Variants in CHSY3 observed in about 807,000 individuals in gnomAD.
CHSY3 encodes chondroitin sulfate synthase 3, also known as N-acetylgalactosaminyl-proteoglycan 3-beta-glucuronosyltransferase 3.
CHSY3 carries 35 observed loss-of-function variants against 67.2 expected under a neutral mutation model. The observed-to-expected ratio is 0.52, with a 90% CI of 0.40 to 0.69. The LOEUF (loss-of-function observed/expected upper bound fraction) is 0.69. Among genes scored for constraint, CHSY3 ranks in the 30% least tolerant of loss-of-function variants. CHSY3 has a pLI of 0.00. For synonymous variants in CHSY3, 474 were observed against 434.7 expected, an observed-to-expected ratio of 1.09 and a Z score of -1.12; for missense variants, 1,069 against 1,138.5, an observed-to-expected ratio of 0.94 and a Z score of 0.88.
intron 2 of CHSY3, among the ~76,000 whole-genome samples, chr5:129,934,622 TTGTC>T (rs1423441929): frequency 1.3e-5 from 2 of 152,172 alleles, no homozygotes; most frequent in East Asian, 1.9e-4. Flanking sequence ...AAGCTTTTGT[TTGTC>T]TGTCAGGATA....
At chr5:129,987,400 T>A (rs1017498970) in intron 2 of CHSY3, among the ~76,000 whole-genome samples, 1 of 152,210 alleles carries the variant, frequency 6.6e-6, no homozygotes, top group Admixed American at 6.5e-5. Context: ...AAAATGTTTA[T>A]TATGACAGAT....
At chr5:129,956,173 T>G (rs1160372184) in intron 2 of CHSY3, among the ~76,000 whole-genome samples, 3 of 152,092 alleles carry the variant, frequency 2.0e-5, no homozygotes, top group African/African-American at 7.2e-5. Flanking sequence ...GTATAAGCAT[T>G]TTTTTTCTCC....
intron 2 of CHSY3, among the ~76,000 whole-genome samples, chr5:130,138,255 G>A (rs1048354922): frequency 1.3e-5 from 2 of 152,172 alleles, no homozygotes; most frequent in African/African-American, 4.8e-5. Context: ...CCAGCACCAG[G>A]AGCCAGGACA....
At chr5:130,145,953 G>A (rs1242921552) in intron 2 of CHSY3, among the ~76,000 whole-genome samples, 1 of 151,968 alleles carries the variant, frequency 6.6e-6, no homozygotes, top group African/African-American at 2.4e-5. Flanking sequence ...CAAAAGAAAA[G>A]TGTTGGCAAA....
intron 2 of CHSY3, among the ~76,000 whole-genome samples, chr5:130,132,871 T>TA: frequency 6.6e-6 from 1 of 152,234 alleles, no homozygotes; most frequent in East Asian, 1.9e-4. Context: ...CAAACATCAA[T>TA]AGTACCAATG....
At chr5:130,143,730 G>GTATATATATATATATATATATATATA (rs1285066017) in intron 2 of CHSY3, among the ~76,000 whole-genome samples, 1 of 104,546 alleles carries the variant, frequency 9.6e-6, no homozygotes, top group African/African-American at 4.1e-5. Flanking sequence ...ATGTGTGTGT[G>GTATATATATATATATATATATATATA]TGTGTATATA....
chr5:130,125,924 A>G (rs990346129), intron 2 of CHSY3, among the ~76,000 whole-genome samples: 1 of 152,214 alleles, frequency 6.6e-6, no homozygotes, highest in African/African-American at 2.4e-5. Context: ...GTCACAGTTC[A>G]TTAGACCTTT....
Position 130,185,823 on chromosome 5 carries a change from G to C in CHSY3, c.*32G>C. 7.0e-7 allele frequency: 1 copy of C among 1,421,038 alleles called. No individual in the cohort carries two copies. 88.0% of individuals were successfully genotyped at this position (1,421,038 alleles called of 1,614,324 possible). Reference sequence around the variant, plus strand: ...AGGCAACACATTTTGCCTTTTTTAAGGGGAGTTTACCTCATTGTTGGTTGT... The same window carrying C: ...AGGCAACACATTTTGCCTTTTTTAACGGGAGTTTACCTCATTGTTGGTTGT... On this transcript the variant is annotated 3_prime_UTR_variant, in exon 3 of 3. Coordinates refer to ENST00000305031, the MANE Select transcript of CHSY3 (RefSeq NM_175856.5).
At chr5:129,963,497 A>G (rs555024166) in intron 2 of CHSY3, among the ~76,000 whole-genome samples, 273 of 152,160 alleles carry the variant, frequency 1.8e-3, no homozygotes, top group African/African-American at 5.9e-3. Flanking sequence ...GTGTACTATT[A>G]ACATATGAGT....
At chr5:129,948,050 C>G (rs1761911557) in intron 2 of CHSY3, among the ~76,000 whole-genome samples, 1 of 152,164 alleles carries the variant, frequency 6.6e-6, no homozygotes, top group East Asian at 1.9e-4. Context: ...TTCTCCAATT[C>G]TATAGGTTGC....
intron 2 of CHSY3, among the ~76,000 whole-genome samples, chr5:129,965,580 G>T (rs901975919): frequency 5.3e-5 from 8 of 151,774 alleles, no homozygotes; most frequent in Admixed American, 2.6e-4. Context: ...GTGCTTCTGT[G>T]AGTCATTAAA....
At position 130,169,490 on chromosome 5, in the gene CHSY3, T is replaced by C. The variant is rs534939135; in HGVS notation, c.1087-14739T>C. Among the ~76,000 whole-genome samples the C allele has an allele frequency of 5.9e-5, 9 of 152,240 alleles. No homozygotes were observed. In the South Asian group the frequency reaches 1.7e-3, roughly 28 times the overall value. ...AAATGATGATCACTGGAAATTATCA[T>C]GTAGCCGAAGCTGACACTCACAGAA... On this transcript the variant is annotated intron_variant, in intron 2 of 2. Coordinates refer to ENST00000305031, the MANE Select transcript of CHSY3 (RefSeq NM_175856.5).
chr5:130,076,959 A>AG (rs1258461825), intron 2 of CHSY3, among the ~76,000 whole-genome samples: 3 of 117,336 alleles, frequency 2.6e-5, no homozygotes, highest in Non-Finnish European at 5.4e-5. Context: ...GGATGCGGGG[A>AG]GGGGGGAGGG....
At chr5:130,026,356 T>C (rs1380683341) in intron 2 of CHSY3, among the ~76,000 whole-genome samples, 2 of 152,120 alleles carry the variant, frequency 1.3e-5, no homozygotes, top group South Asian at 2.1e-4. Context: ...AAATGTAAAC[T>C]GCCTTCACCA....
At chr5:129,912,812 G>A (rs1760611954) in intron 2 of CHSY3, among the ~76,000 whole-genome samples, 3 of 152,156 alleles carry the variant, frequency 2.0e-5, no homozygotes, top group East Asian at 1.9e-4. Flanking sequence ...TTGTGTGCCT[G>A]TGATCATTGG....
At chr5:130,167,332 A>G (rs73248919) in intron 2 of CHSY3, among the ~76,000 whole-genome samples, 8,535 of 152,074 alleles carry the variant, frequency 0.056, 664 homozygotes, top group African/African-American at 0.16. Flanking sequence ...AGAGACTAAG[A>G]GATGGAGGGC....
At chr5:130,175,147 C>A (rs1770006358) in intron 2 of CHSY3, among the ~76,000 whole-genome samples, 1 of 152,062 alleles carries the variant, frequency 6.6e-6, no homozygotes, top group Non-Finnish European at 1.5e-5. Flanking sequence ...ATGTAAAGCC[C>A]TTCAGCAAAG....
At chr5:129,940,687 G>GTGTA (rs1274104860) in intron 2 of CHSY3, among the ~76,000 whole-genome samples, 9 of 152,022 alleles carry the variant, frequency 5.9e-5, no homozygotes, top group African/African-American at 2.2e-4. Context: ...GAGTGTGTGT[G>GTGTA]TGTATGCCGA....
At chr5:130,015,402 A>T (rs527585197) in intron 2 of CHSY3, among the ~76,000 whole-genome samples, 1 of 152,340 alleles carries the variant, frequency 6.6e-6, no homozygotes, top group Admixed American at 6.5e-5. Flanking sequence ...AGCTAAAAAA[A>T]ACCTCATAAA....
Sources: allele counts gnomAD v4.1 joint callset (sites outside exome capture counted in the v4.1 genomes callset), GRCh38; gene constraint gnomAD v4.1.1; transcripts MANE v1.5; gene names NCBI Gene and HGNC (gene_info 2026-07-23, HGNC 2026-07-21).